The following CSMD2 variants were observed in gnomAD, a reference collection of about 807,000 sequenced individuals.
CSMD2 encodes CUB and Sushi multiple domains 2.
CSMD2 carries 130 observed loss-of-function variants against 398.5 expected under a neutral mutation model. The observed-to-expected ratio is 0.33, with a 90% CI of 0.28 to 0.38. CSMD2 has a LOEUF of 0.38. Ranked by LOEUF, CSMD2 falls within the 10% of genes least tolerant of loss-of-function variation. The probability of loss-of-function intolerance (pLI) is 1.00; values close to 1 mark genes in which losing one functional copy is unlikely to be tolerated. For missense variants in CSMD2, 3,829 were observed against 4,764.9 expected, an observed-to-expected ratio of 0.80 and a Z score of 5.78; for synonymous variants, 1,828 against 1,908.5, an observed-to-expected ratio of 0.96 and a Z score of 1.10.
chr1:33,712,324 C>T (rs545792380), intron 21 of CSMD2, among the ~76,000 whole-genome samples: 16 of 152,084 alleles, frequency 1.1e-4, no homozygotes, highest in African/African-American at 2.7e-4. Flanking sequence ...TCACCTCCCT[C>T]CCCGCCACCC....
chr1:33,706,239 G>A (rs935460517), intron 22 of CSMD2, among the ~76,000 whole-genome samples: 1 of 152,064 alleles, frequency 6.6e-6, no homozygotes, highest in Non-Finnish European at 1.5e-5. Context: ...TTTTACTGTG[G>A]ATTGATTATC....
Position 33,729,997 on chromosome 1 carries a change from T to G in CSMD2, c.2369-3312A>C, listed in dbSNP as rs571840036. On this transcript the variant is annotated intron_variant, in intron 15 of 70. Transcript: ENST00000373381. ...TGGCAAAAATATGAAATGACATATA[T>G]GTACAAGGTTATGCAAGGTAGCACT... Among the ~76,000 whole-genome samples the G allele has an allele frequency of 2.6e-5, 4 of 152,304 alleles. No homozygotes were observed. The South Asian group carries it at 8.3e-4, about 32-fold the overall frequency.
At chr1:33,960,502 G>A (rs1231109984) in intron 3 of CSMD2, among the ~76,000 whole-genome samples, 3 of 152,284 alleles carry the variant, frequency 2.0e-5, no homozygotes, top group South Asian at 4.1e-4. Context: ...GCCAGCCATC[G>A]GGGACAGGGA....
chr1:33,652,207 C>A, intron 28 of CSMD2, 116 bp downstream of exon 28: 1 of 1,067,618 alleles, frequency 9.4e-7, no homozygotes, highest in Non-Finnish European at 1.4e-6. Context: ...GCTTCTTCAC[C>A]TCCCTGGAGC....
intron 29 of CSMD2, among the ~76,000 whole-genome samples, chr1:33,643,366 A>G (rs1643222071): frequency 6.6e-6 from 1 of 152,252 alleles, no homozygotes; most frequent in Admixed American, 6.5e-5. Flanking sequence ...CATCTTCAGT[A>G]AACAGAAAAG....
intron 5 of CSMD2, among the ~76,000 whole-genome samples, chr1:33,913,381 C>T (rs1475993347): frequency 6.6e-6 from 1 of 152,152 alleles, no homozygotes; most frequent in Admixed American, 6.5e-5. Context: ...GGTGAGATGC[C>T]ACTGGGCTGG....
intron 53 of CSMD2, among the ~76,000 whole-genome samples, chr1:33,563,312 A>T (rs1658745138): frequency 6.6e-6 from 1 of 152,078 alleles, no homozygotes; most frequent in Non-Finnish European, 1.5e-5. Context: ...GACTAACCTC[A>T]CTAAGGAGGC....
chr1:33,663,195 AAAGCCCTAAACCTCCG>A, intron 25 of CSMD2, 103 bp from the exon 26 acceptor site: 1 of 948,506 alleles, frequency 1.1e-6, no homozygotes, highest in Non-Finnish European at 1.6e-6. Flanking sequence ...CTAAACCTAC[AAAGCCCTAAACCTCCG>A]AAGCCCAGCA....
rs758942015 is a variant in CSMD2, at chr1:34,063,834, G to A, written c.404+25143C>T. 9.9e-5 allele frequency among the ~76,000 whole-genome samples: 15 copies of A among 152,224 alleles called. 1 individual carries two copies. Among genetic ancestry groups the A allele is most frequent in the African/African-American group, 1.9e-4 (8 of 41,470 alleles). On this transcript the variant is annotated intron_variant, in intron 2 of 70. Coordinates refer to ENST00000373381, the MANE Select transcript of CSMD2 (RefSeq NM_001281956.2). ...GAGGTTCTCCATGAGGGCCCCGCCC[G>A]TACAGCAAACTTTTGCCTGGGCATC...
At chr1:34,165,255 G>T (rs1212505950), upstream of CSMD2, 1 of 1,184,714 alleles carries the variant, frequency 8.4e-7, no homozygotes, top group Admixed American at 4.3e-5. Context: ...CCCGGCCGGG[G>T]AGAGGCGCGC....
intron 15 of CSMD2, among the ~76,000 whole-genome samples, chr1:33,737,222 T>TG (rs1352569513): frequency 6.6e-6 from 1 of 152,250 alleles, no homozygotes; most frequent in Non-Finnish European, 1.5e-5. Context: ...CCAAAGCTTC[T>TG]GTTCTTTCCA....
At chr1:33,645,344 TACACACACACACACAC>T (rs4044501) in intron 29 of CSMD2, among the ~76,000 whole-genome samples, 2,834 of 136,366 alleles carry the variant, frequency 0.021, 26 homozygotes, top group East Asian at 0.053. Context: ...TGGAGCATTA[TACACACACACACACAC>T]ACACACACAC....
chr1:33,573,750 A>T (rs1659815907), intron 49 of CSMD2, among the ~76,000 whole-genome samples: 1 of 152,240 alleles, frequency 6.6e-6, no homozygotes, highest in South Asian at 2.1e-4. Context: ...GGATGGAATT[A>T]TCATAGATGA....
At chr1:34,113,311 G>A in intron 1 of CSMD2, among the ~76,000 whole-genome samples, 1 of 152,192 alleles carries the variant, frequency 6.6e-6, no homozygotes, top group Non-Finnish European at 1.5e-5. Flanking sequence ...GTCACACATG[G>A]GTGGCAGAGC....
intron 51 of CSMD2, among the ~76,000 whole-genome samples, chr1:33,570,780 T>A (rs1047206421): frequency 6.6e-6 from 1 of 152,126 alleles, no homozygotes. Flanking sequence ...CTGCATCCAG[T>A]GGCTGGTCAG....
rs372067854 is a variant in CSMD2, at chr1:33,778,406, T to C, written c.1664-5655A>G. Among the ~76,000 whole-genome samples the C allele has an allele frequency of 4.6e-5, 7 of 152,292 alleles. No homozygotes were observed. The East Asian group carries it at 1.4e-3, about 29-fold the overall frequency. On this transcript the variant is annotated intron_variant, in intron 12 of 70. Transcript: ENST00000373381. ...ATTTTACTGGTTACTGTTCTAGACATTGGGGGTATAACAGCGAATAAAAGG... is the reference window on the plus strand; with the variant it reads ...ATTTTACTGGTTACTGTTCTAGACACTGGGGGTATAACAGCGAATAAAAGG...
chr1:33,819,290 C>T (rs953840441), intron 9 of CSMD2, among the ~76,000 whole-genome samples: 1 of 152,144 alleles, frequency 6.6e-6, no homozygotes, highest in African/African-American at 2.4e-5. Flanking sequence ...GCAGAAGTGA[C>T]AAGTCTGTCT....
intron 26 of CSMD2, among the ~76,000 whole-genome samples, chr1:33,660,630 A>C (rs577565498): frequency 6.6e-6 from 1 of 152,346 alleles, no homozygotes; most frequent in East Asian, 1.9e-4. Flanking sequence ...GGTTATGCCC[A>C]TAACACTGGG....
intron 60 of CSMD2, among the ~76,000 whole-genome samples, chr1:33,539,113 G>A (rs1247219573): frequency 6.6e-6 from 1 of 152,020 alleles, no homozygotes; most frequent in Non-Finnish European, 1.5e-5. Flanking sequence ...GACTACAGGC[G>A]CCCGCCACCA....
Sources: gnomAD v4.1 joint callset for allele counts (sites outside exome capture counted in the v4.1 genomes callset) on GRCh38, gnomAD v4.1.1 for gene constraint, MANE v1.5 for transcripts, NCBI Gene and HGNC (gene_info 2026-07-23, HGNC 2026-07-21) for gene names.